Variants in CAMK1D observed in about 807,000 individuals in gnomAD.
CAMK1D encodes calcium/calmodulin-dependent protein kinase type 1D.
A neutral mutation model predicts 47.7 loss-of-function variants in CAMK1D; 9 were observed. That is an observed-to-expected ratio of 0.19 (90% CI 0.11 to 0.33). The LOEUF (loss-of-function observed/expected upper bound fraction) is 0.33, where lower values mean the gene tolerates loss of function less well. Among genes scored for constraint, CAMK1D ranks in the 10% least tolerant of loss-of-function variants. The probability of loss-of-function intolerance (pLI) is 1.00; values close to 1 mark genes in which losing one functional copy is unlikely to be tolerated. For synonymous variants in CAMK1D, 184 were observed against 184.9 expected, an observed-to-expected ratio of 0.99 and a Z score of 0.04; for missense variants, 291 against 488.7, an observed-to-expected ratio of 0.60 and a Z score of 3.81.
chr10:12,468,794 G>A (rs556262311), intron 1 of CAMK1D, among the ~76,000 whole-genome samples: 42 of 152,246 alleles, frequency 2.8e-4, no homozygotes, highest in African/African-American at 9.2e-4. Context: ...TTCCCCCTTC[G>A]GAACTAGAAT....
chr10:12,616,064 A>G (rs1022476352), intron 2 of CAMK1D, among the ~76,000 whole-genome samples: 3 of 150,134 alleles, frequency 2.0e-5, no homozygotes, highest in Admixed American at 6.6e-5. Flanking sequence ...GGTTTATGAT[A>G]GGCGTGTTTG....
At chr10:12,404,127 C>A (rs1199264018) in intron 1 of CAMK1D, among the ~76,000 whole-genome samples, 1 of 151,872 alleles carries the variant, frequency 6.6e-6, no homozygotes, top group Non-Finnish European at 1.5e-5. Context: ...CTCACCGCAA[C>A]CTCCGCCTCC....
At chr10:12,741,966 G>A (rs1317526495) in intron 3 of CAMK1D, among the ~76,000 whole-genome samples, 3 of 152,150 alleles carry the variant, frequency 2.0e-5, no homozygotes, top group Non-Finnish European at 4.4e-5. Flanking sequence ...TCAGCTAAGA[G>A]CTGGCCTCAG....
intron 3 of CAMK1D, among the ~76,000 whole-genome samples, chr10:12,736,878 G>A (rs976851155): frequency 6.6e-6 from 1 of 152,160 alleles, no homozygotes; most frequent in Non-Finnish European, 1.5e-5. Context: ...TCTCTCTCCC[G>A]ATCACTCTCT....
chr10:12,474,199 C>CTTTTTTT (rs35554522), intron 1 of CAMK1D, among the ~76,000 whole-genome samples: 3 of 119,348 alleles, frequency 2.5e-5, no homozygotes, highest in African/African-American at 9.7e-5. Context: ...GAGGATCGTT[C>CTTTTTTT]TTTTTTTTTT....
intron 1 of CAMK1D, among the ~76,000 whole-genome samples, chr10:12,505,399 T>G (rs1834839039): frequency 6.6e-6 from 1 of 152,192 alleles, no homozygotes; most frequent in Admixed American, 6.5e-5. Flanking sequence ...AGGCCTGCAC[T>G]ATAATTTTAA....
At chr10:12,632,819 C>T (rs1270995322) in intron 2 of CAMK1D, among the ~76,000 whole-genome samples, 2 of 152,102 alleles carry the variant, frequency 1.3e-5, no homozygotes, top group Admixed American at 6.5e-5. Flanking sequence ...GTCAGCCTCC[C>T]GAGTTGCTAG....
chr10:12,677,129 C>G (rs983365767), intron 3 of CAMK1D, among the ~76,000 whole-genome samples: 2 of 152,232 alleles, frequency 1.3e-5, no homozygotes, highest in Non-Finnish European at 2.9e-5. Context: ...TTGTCTTGTG[C>G]AGTAAGCTGT....
At chr10:12,561,332 G>A (rs971228620) in intron 2 of CAMK1D, among the ~76,000 whole-genome samples, 1 of 152,050 alleles carries the variant, frequency 6.6e-6, no homozygotes, top group Non-Finnish European at 1.5e-5. Flanking sequence ...GTACATGTGA[G>A]CCTGTCTGCT....
At chr10:12,609,379 A>G (rs1364354031) in intron 2 of CAMK1D, among the ~76,000 whole-genome samples, 1 of 152,326 alleles carries the variant, frequency 6.6e-6, no homozygotes, top group South Asian at 2.1e-4. Context: ...CCAGCACATT[A>G]TATTTATTGT....
At chr10:12,392,712 A>G (rs1838779948) in intron 1 of CAMK1D, among the ~76,000 whole-genome samples, 1 of 152,138 alleles carries the variant, frequency 6.6e-6, no homozygotes, top group South Asian at 2.1e-4. Flanking sequence ...ATTGTTATTG[A>G]GCATAGTCAC....
chr10:12,758,989 C>T (rs1399591493), intron 3 of CAMK1D, among the ~76,000 whole-genome samples: 1 of 152,220 alleles, frequency 6.6e-6, no homozygotes, highest in Non-Finnish European at 1.5e-5. Context: ...TTGCATCCCA[C>T]TGGGCATGCT....
intron 2 of CAMK1D, among the ~76,000 whole-genome samples, chr10:12,650,781 A>C (rs1371140908): frequency 6.6e-5 from 10 of 152,122 alleles, no homozygotes. Context: ...TTTATTTATT[A>C]TCAAAAACAT....
chr10:12,507,131 CA>C (rs2132155188), intron 1 of CAMK1D, among the ~76,000 whole-genome samples: 1 of 152,362 alleles, frequency 6.6e-6, no homozygotes, highest in East Asian at 1.9e-4. Context: ...GAGAAGTTTG[CA>C]GCTACTGTGT....
intron 3 of CAMK1D, among the ~76,000 whole-genome samples, chr10:12,751,114 AAGATAAGATAAGAAGGCTTC>A (rs1835956586): frequency 1.6e-5 from 1 of 62,010 alleles, no homozygotes; most frequent in Admixed American, 1.7e-4. Context: ...AAGATAAGAT[AAGATAAGATAAGAAGGCTTC>A]AGAAGGCTTC....
At chr10:12,510,418 A>AAAT (rs1835005808) in intron 1 of CAMK1D, among the ~76,000 whole-genome samples, 1 of 152,120 alleles carries the variant, frequency 6.6e-6, no homozygotes, top group Non-Finnish European at 1.5e-5. Flanking sequence ...TCCGTCTAAA[A>AAAT]AAAAATAATA....
intron 2 of CAMK1D, among the ~76,000 whole-genome samples, chr10:12,595,640 G>C (rs181496123): frequency 1.3e-5 from 2 of 152,046 alleles, no homozygotes; most frequent in Non-Finnish European, 2.9e-5. Flanking sequence ...TCCATAGCCC[G>C]TTCTGTCCCC....
chr10:12,806,568 T>C (rs1370149150), intron 6 of CAMK1D, among the ~76,000 whole-genome samples: 3 of 152,200 alleles, frequency 2.0e-5, no homozygotes, highest in African/African-American at 4.8e-5. Flanking sequence ...GCGTCCCTTT[T>C]GCAGCTCTGC....
intron 2 of CAMK1D, among the ~76,000 whole-genome samples, chr10:12,555,806 A>C (rs1256829952): frequency 2.0e-5 from 3 of 152,182 alleles, no homozygotes; most frequent in Non-Finnish European, 4.4e-5. Flanking sequence ...AGGGCTGAGA[A>C]GTACAAAAGG....
Sources: gnomAD v4.1 joint callset for allele counts (sites outside exome capture counted in the v4.1 genomes callset) on GRCh38, gnomAD v4.1.1 for gene constraint, MANE v1.5 for transcripts, NCBI Gene and HGNC (gene_info 2026-07-23, HGNC 2026-07-21) for gene names.